Variants in ATPAF1 observed in about 807,000 individuals in gnomAD.
ATPAF1 encodes the protein ATP synthase mitochondrial F1 complex assembly factor 1.
Under a neutral mutation model 43.9 loss-of-function variants are expected in ATPAF1, and 26 were observed. The ratio of observed to expected loss-of-function variants is 0.59; its 90% CI spans 0.43 to 0.82. ATPAF1 has a LOEUF of 0.82. ATPAF1 is among the 40% of genes least tolerant of loss of function. ATPAF1 has a pLI of 0.00. For missense variants in ATPAF1, 366 were observed against 435.0 expected, an observed-to-expected ratio of 0.84 and a Z score of 1.41; for synonymous variants, 157 against 168.0, an observed-to-expected ratio of 0.93 and a Z score of 0.50.
intron 7 of ATPAF1, 105 bp downstream of exon 7, chr1:46,645,056 G>T: frequency 1.2e-6 from 1 of 840,806 alleles, no homozygotes; most frequent in Non-Finnish European, 1.9e-6. Context: ...AATAATAAAT[G>T]CTGGGAGTAA....
At chr1:46,645,058 TG>T in intron 7 of ATPAF1, 102 bp downstream of exon 7, 1 of 854,922 alleles carries the variant, frequency 1.2e-6, no homozygotes, top group South Asian at 1.8e-5. Context: ...TAATAAATGC[TG>T]GGAGTAAGCA....
chr1:46,643,893 A>G (rs1488971490), intron 7 of ATPAF1, among the ~76,000 whole-genome samples: 5 of 152,214 alleles, frequency 3.3e-5, no homozygotes, highest in African/African-American at 1.2e-4. Context: ...TAGACTAGGT[A>G]GAGAGGATGG....
At chr1:46,665,098 A>G in intron 2 of ATPAF1, 158 bp downstream of exon 2, 1 of 675,246 alleles carries the variant, frequency 1.5e-6, no homozygotes. Context: ...GCCTAGAAAG[A>G]GCAGGATAAA....
downstream of ATPAF1, chr1:46,633,701 G>A (rs1468915599): frequency 4.4e-6 from 2 of 455,964 alleles, no homozygotes; most frequent in African/African-American, 4.0e-5. Context: ...TTGGCAGTTG[G>A]GGACTGAGGA....
At chr1:46,638,589 T>C (rs1173612562) in intron 8 of ATPAF1, among the ~76,000 whole-genome samples, 1 of 148,758 alleles carries the variant, frequency 6.7e-6, no homozygotes, top group Non-Finnish European at 1.5e-5. Flanking sequence ...GCCACTGCAC[T>C]CCAGCCTTGG....
exon 9 of ATPAF1, chr1:46,635,445 G>C (rs2181411): frequency 0.011 from 2,692 of 246,370 alleles, 24 homozygotes; most frequent in Non-Finnish European, 0.017. Context: ...GGAGCTATAA[G>C]GTCAAAGTGG....
chr1:46,668,478 C>T, upstream of ATPAF1: 1 of 517,506 alleles, frequency 1.9e-6, no homozygotes, highest in Non-Finnish European at 2.5e-6. This position sits in a 1 kb window ranked among gnomAD's most constrained non-coding sequence, Gnocchi z 4.4. Context: ...CGAGGCGGGG[C>T]GGGGAGGAGG....
chr1:46,644,158 G>T (rs1745376), intron 7 of ATPAF1, among the ~76,000 whole-genome samples: 1 of 152,030 alleles, frequency 6.6e-6, no homozygotes, highest in South Asian at 2.1e-4. Context: ...TTCTCCTAAA[G>T]CTGAATATTA....
rs918134256 is a variant in ATPAF1, at chr1:46,668,087, C to A, written c.236G>T (p.Arg79Leu). 17 of 1,450,700 alleles carry A rather than the reference C, an allele frequency of 1.2e-5. No individual in the cohort carries two copies. The highest frequency in any genetic ancestry group is 1.5e-5 in the Non-Finnish European group (16 of 1,099,306). The allele number at this position is 1,450,700 out of a possible 1,614,324, so 89.9% of individuals were successfully genotyped here. ...CAGCAGCTGGATCTTGTCGCGGTAG[C>A]GGTCGTAGAAAGGGTTGGCCTGGAG... The change falls in exon 1 of 9, where the codon CGC becomes CTC. Residue 79 changes from arginine (R) to leucine (L), a missense_variant. By Grantham distance (102) the Arg-to-Leu change is moderately radical (BLOSUM62 -2). Coordinates refer to ENST00000574428, the Ensembl canonical transcript of ATPAF1. The surrounding 1 kb of genome is among the most constrained non-coding windows in gnomAD (Gnocchi z 4.4).
intron 4 of ATPAF1, among the ~76,000 whole-genome samples, chr1:46,655,666 T>C (rs1291065357): frequency 6.6e-6 from 1 of 152,150 alleles, no homozygotes; most frequent in Non-Finnish European, 1.5e-5. Flanking sequence ...TACTACCTTT[T>C]TTTTGCCTTC....
intron 6 of ATPAF1, among the ~76,000 whole-genome samples, chr1:46,651,985 C>A (rs1050627758): frequency 6.6e-6 from 1 of 152,022 alleles, no homozygotes; most frequent in East Asian, 1.9e-4. Flanking sequence ...CAATGAGATA[C>A]CATCTCACAC....
intron 2 of ATPAF1, chr1:46,663,826 T>C: frequency 8.3e-7 from 1 of 1,202,812 alleles, no homozygotes; most frequent in Non-Finnish European, 1.1e-6. Context: ...TTTTCTACTG[T>C]AACTACCTTA....
upstream of ATPAF1, chr1:46,668,464 G>T: frequency 9.2e-7 from 1 of 1,089,178 alleles, no homozygotes; most frequent in Non-Finnish European, 1.1e-6. This position sits in a 1 kb window ranked among gnomAD's most constrained non-coding sequence, Gnocchi z 4.4. Flanking sequence ...GCGCGGGATA[G>T]CGGCGAGGCG....
At chr1:46,647,732 G>A (rs973999892) in intron 6 of ATPAF1, among the ~76,000 whole-genome samples, 6 of 152,166 alleles carry the variant, frequency 3.9e-5, no homozygotes, top group African/African-American at 7.2e-5. Context: ...AGAAACAGCC[G>A]AACTATTTTC....
chr1:46,646,020 A>T (rs940276446), intron 6 of ATPAF1, among the ~76,000 whole-genome samples: 2 of 152,002 alleles, frequency 1.3e-5, no homozygotes, highest in East Asian at 1.9e-4. Context: ...ACAAAAAAAT[A>T]AAAAAAATAG....
chr1:46,657,164 G>T (rs1255470068), intron 4 of ATPAF1, among the ~76,000 whole-genome samples: 1 of 152,126 alleles, frequency 6.6e-6, no homozygotes, highest in African/African-American at 2.4e-5. Flanking sequence ...GTGGTTAAGA[G>T]AATTTAATGA....
In ATPAF1 at chr1:46,651,659, CTGT is replaced by C. The variant is rs1177857762; in HGVS notation, c.588+919_588+921del. Among the ~76,000 whole-genome samples the C allele has an allele frequency of 3.3e-5, 5 of 152,188 alleles. No individual in the cohort carries two copies. In the South Asian group the frequency reaches 6.2e-4, roughly 19 times the overall value. On this transcript the variant is annotated intron_variant, in intron 6 of 8. Coordinates refer to ENST00000574428, the Ensembl canonical transcript of ATPAF1. ...TATTTCTCCACATCCTCTCCAGCAC[CTGT>C]TGTTTCCTGACTTTTTAATGATTGC...
In ATPAF1 at chr1:46,668,227, G is replaced by A; in HGVS notation, c.96C>T (p.Arg32=). 7.3e-7 allele frequency: 1 copy of A among 1,368,276 alleles called. No individual in the cohort carries two copies. The highest frequency in any genetic ancestry group is 9.4e-7 in the Non-Finnish European group (1 of 1,060,352). The allele number at this position is 1,368,276 out of a possible 1,614,324, so 84.8% of individuals were successfully genotyped here. A position where few individuals can be genotyped will look rare whatever the true frequency, so the allele number is the denominator to read the frequency against. ...GTGACACGAGCCCCAGGCCCAGGGC[G>A]CGGCTGCGCACCGCGCACAGGCCCC... The change falls in exon 1 of 9, where the codon CGC becomes CGT. Residue 32 remains arginine (R), a synonymous_variant. Coordinates refer to ENST00000574428, the Ensembl canonical transcript of ATPAF1. The surrounding 1 kb of genome is among the most constrained non-coding windows in gnomAD (Gnocchi z 4.4).
At chr1:46,643,322 C>G (rs1455141456) in intron 7 of ATPAF1, 21 bp from the exon 8 acceptor site, 2 of 1,568,674 alleles carry the variant, frequency 1.3e-6, no homozygotes. Flanking sequence ...GAACACTTAT[C>G]AAGGCTCAAT....
Sources: gnomAD v4.1 joint callset for allele counts (sites outside exome capture counted in the v4.1 genomes callset) on GRCh38, gnomAD v4.1.1 for gene constraint, Gnocchi (gnomAD v3.1) non-coding constraint, MANE v1.5 for transcripts, NCBI Gene and HGNC (gene_info 2026-07-23, HGNC 2026-07-21) for gene names.